Variants in FGF14 observed in about 807,000 individuals in gnomAD.
The protein encoded by FGF14 is fibroblast growth factor 14.
FGF14 carries 5 observed loss-of-function variants against 25.5 expected under a neutral mutation model. The ratio of observed to expected loss-of-function variants is 0.20; its 90% confidence interval spans 0.10 to 0.41. The LOEUF (loss-of-function observed/expected upper bound fraction) is 0.41. FGF14 is among the 10% of genes least tolerant of loss of function. The pLI is 1.00. For synonymous variants in FGF14, 138 were observed against 118.3 expected, an observed-to-expected ratio of 1.17 and a Z score of -1.08; for missense variants, 222 against 320.1, an observed-to-expected ratio of 0.69 and a Z score of 2.34.
Position 101,748,865 on chromosome 13 carries a change from A to G in FGF14, c.409-22055T>C, listed in dbSNP as rs371652317. Among the ~76,000 whole-genome samples the G allele has an allele frequency of 2.0e-4, 31 of 151,922 alleles. 1 individual carries two copies. The South Asian group carries it at 6.0e-3, about 30-fold the overall frequency. ...GAGTTGAAGAGATACTTGCACATCCATGTTTACAACAGCATTATTCACAAC... is the reference window on the plus strand; with the variant it reads ...GAGTTGAAGAGATACTTGCACATCCGTGTTTACAACAGCATTATTCACAAC... On this transcript the variant is annotated intron_variant, in intron 3 of 4. Coordinates refer to ENST00000376143, the MANE Select transcript of FGF14 (RefSeq NM_004115.4).
chr13:102,256,854 G>A lies in FGF14; in HGVS notation c.208+144617C>T, dbSNP rs550172950. On this transcript the variant is annotated intron_variant, in intron 1 of 4. Coordinates refer to the FGF14 transcript ENST00000376131. Reference sequence around the variant, plus strand: ...TAAGTTATATGTTATGCAATATCAGGTTTATAAATTAAATCTAAGTAGTTT... The same window carrying A: ...TAAGTTATATGTTATGCAATATCAGATTTATAAATTAAATCTAAGTAGTTT... Among the ~76,000 whole-genome samples the A allele has an allele frequency of 3.3e-5, 5 of 152,250 alleles. No individual in the cohort carries two copies. In the South Asian group the frequency reaches 8.3e-4, roughly 25 times the overall value.
intron 1 of FGF14, among the ~76,000 whole-genome samples, chr13:101,983,283 T>TA: frequency 6.6e-6 from 1 of 152,332 alleles, no homozygotes; most frequent in South Asian, 2.1e-4. Flanking sequence ...GCATATGGCT[T>TA]AATTCTATAT....
At chr13:102,320,017 C>T (rs1456445164) in intron 1 of FGF14, among the ~76,000 whole-genome samples, 1 of 152,046 alleles carries the variant, frequency 6.6e-6, no homozygotes, top group East Asian at 1.9e-4. Flanking sequence ...CATAGTATTC[C>T]TGTGGAAAGA....
chr13:102,011,671 G>A (rs970726812), intron 1 of FGF14, among the ~76,000 whole-genome samples: 2 of 152,212 alleles, frequency 1.3e-5, no homozygotes, highest in Non-Finnish European at 2.9e-5. Flanking sequence ...TTTGGAAGAT[G>A]CTTTGCCATA....
chr13:102,303,861 G>A (rs1400118294), intron 1 of FGF14, among the ~76,000 whole-genome samples: 3 of 152,126 alleles, frequency 2.0e-5, no homozygotes, highest in Non-Finnish European at 1.5e-5. Flanking sequence ...CACACAGTAG[G>A]TAAAGCACTG....
At chr13:101,819,880 C>T (rs1471861610) in intron 3 of FGF14, among the ~76,000 whole-genome samples, 1 of 152,102 alleles carries the variant, frequency 6.6e-6, no homozygotes, top group Non-Finnish European at 1.5e-5. Flanking sequence ...TGAGGGCATC[C>T]CTGATGGATG....
chr13:102,021,108 G>C (rs1227216904), intron 1 of FGF14, among the ~76,000 whole-genome samples: 1 of 151,934 alleles, frequency 6.6e-6, no homozygotes, highest in Admixed American at 6.6e-5. Flanking sequence ...AAAAACACTG[G>C]AGATAAGGGC....
chr13:102,297,481 T>C (rs1423862958), intron 1 of FGF14, among the ~76,000 whole-genome samples: 2 of 152,148 alleles, frequency 1.3e-5, no homozygotes, highest in Non-Finnish European at 2.9e-5. Flanking sequence ...AAATGTAACA[T>C]ACTTACATAA....
At chr13:102,110,044 AAT>A (rs1363281479) in intron 1 of FGF14, among the ~76,000 whole-genome samples, 1 of 152,206 alleles carries the variant, frequency 6.6e-6, no homozygotes, top group Non-Finnish European at 1.5e-5. Context: ...CAGAATCCAT[AAT>A]GTTCTAACTT....
intron 1 of FGF14, among the ~76,000 whole-genome samples, chr13:102,391,812 G>A (rs935956431): frequency 3.9e-5 from 6 of 152,170 alleles, no homozygotes; most frequent in African/African-American, 1.2e-4. Flanking sequence ...GAGTGCTTAC[G>A]TAGAAAACTG....
chr13:101,898,464 G>A (rs1257399851), intron 1 of FGF14, among the ~76,000 whole-genome samples: 1 of 151,388 alleles, frequency 6.6e-6, no homozygotes, highest in Non-Finnish European at 1.5e-5. Context: ...TTACTCAGTG[G>A]GTAATGTTCT....
chr13:101,910,687 G>A (rs1007292964), intron 1 of FGF14, among the ~76,000 whole-genome samples: 1 of 152,004 alleles, frequency 6.6e-6, no homozygotes, highest in Non-Finnish European at 1.5e-5. Flanking sequence ...ACAGCAAATG[G>A]TGACATTTTC....
rs1035821837 is a variant in FGF14 at position 101,715,083 on chromosome 13, G to A, written c.*7748C>T. On this transcript the variant is annotated 3_prime_UTR_variant, in exon 5 of 5. Transcript: ENST00000376143. ...TGTTTAGCCAAGTTACGAGGAAACA[G>A]AGACATGTATACTTCTCCTCAGCTC... 10 of 164,262 alleles carry A rather than the reference G, an allele frequency of 6.1e-5. No individual in the cohort carries two copies. Among genetic ancestry groups the A allele is most frequent in the Non-Finnish European group, 1.2e-4 (9 of 75,510 alleles). 10.2% of individuals were successfully genotyped at this position (164,262 alleles called of 1,614,324 possible).
intron 1 of FGF14, among the ~76,000 whole-genome samples, chr13:102,225,519 T>C (rs2050791337): frequency 6.6e-6 from 1 of 152,184 alleles, no homozygotes; most frequent in Admixed American, 6.5e-5. Flanking sequence ...TCTCCATCAG[T>C]TCAATAAGGG....
At chr13:102,036,998 C>T (rs2041507954) in intron 1 of FGF14, among the ~76,000 whole-genome samples, 1 of 152,074 alleles carries the variant, frequency 6.6e-6, no homozygotes, top group African/African-American at 2.4e-5. Context: ...GAGTGGCATC[C>T]TTTCCAAATT....
intron 1 of FGF14, among the ~76,000 whole-genome samples, chr13:102,368,640 A>G (rs1274338330): frequency 6.6e-6 from 1 of 152,232 alleles, no homozygotes; most frequent in Admixed American, 6.5e-5. Context: ...TGCATGACAG[A>G]AATGATAATA....
At chr13:102,381,960 T>C (rs760195061) in intron 1 of FGF14, among the ~76,000 whole-genome samples, 3 of 152,168 alleles carry the variant, frequency 2.0e-5, no homozygotes, top group Non-Finnish European at 2.9e-5. Flanking sequence ...AAGAATGAAG[T>C]TGGACCCCTA....
chr13:102,257,443 C>T (rs1207662019), intron 1 of FGF14, among the ~76,000 whole-genome samples: 1 of 142,060 alleles, frequency 7.0e-6, no homozygotes, highest in East Asian at 2.3e-4. Flanking sequence ...CCTCCACCTA[C>T]CAGGTTCAAG....
At chr13:102,382,523 A>G (rs1393423137) in intron 1 of FGF14, among the ~76,000 whole-genome samples, 2 of 152,138 alleles carry the variant, frequency 1.3e-5, no homozygotes, top group Admixed American at 6.5e-5. Flanking sequence ...ACATTGCTAG[A>G]GTGAATGTAA....
Sources: allele counts gnomAD v4.1 joint callset (sites outside exome capture counted in the v4.1 genomes callset), GRCh38; gene constraint gnomAD v4.1.1; transcripts MANE v1.5; gene names NCBI Gene and HGNC (gene_info 2026-07-23, HGNC 2026-07-21).